Variants in RALGPS2 observed in about 807,000 individuals in gnomAD.
The protein encoded by RALGPS2 is Ral GEF with PH domain and SH3 binding motif 2.
In RALGPS2, 43 loss-of-function variants were observed where a neutral mutation model predicts 86.8. The observed-to-expected ratio is 0.50, with a 90% CI of 0.39 to 0.64. RALGPS2 has a LOEUF of 0.64. Among genes scored for constraint, RALGPS2 ranks in the 30% least tolerant of loss-of-function variants. The pLI is 0.00. For synonymous variants in RALGPS2, 243 were observed against 231.3 expected (o/e 1.05, Z -0.46); for missense variants, 536 against 694.6 (o/e 0.77, Z 2.57).
chr1:178,853,892 C>T (rs1371422394), intron 8 of RALGPS2: 1 of 753,236 alleles, frequency 1.3e-6, no homozygotes, highest in Non-Finnish European at 2.0e-6. Flanking sequence ...TTACAGTTAC[C>T]ATTGTTTATC....
At chr1:178,896,356 A>T (rs1454953942) in intron 16 of RALGPS2, among the ~76,000 whole-genome samples, 2 of 151,936 alleles carry the variant, frequency 1.3e-5, no homozygotes, top group African/African-American at 4.8e-5. Context: ...CAAAGGAGGG[A>T]TTTTAAAGGT....
intron 8 of RALGPS2, among the ~76,000 whole-genome samples, chr1:178,844,082 A>C (rs916117581): frequency 1.3e-4 from 20 of 152,212 alleles, no homozygotes; most frequent in African/African-American, 4.8e-4. Context: ...AATGCTGTAC[A>C]TTTGATAGAA....
intron 7 of RALGPS2, among the ~76,000 whole-genome samples, chr1:178,831,337 A>G (rs1572377469): frequency 6.6e-6 from 1 of 152,222 alleles, no homozygotes; most frequent in Non-Finnish European, 1.5e-5. Context: ...ATGCAGTTGC[A>G]CACATTCACA....
At chr1:178,834,870 C>G (rs1490945483) in intron 8 of RALGPS2, among the ~76,000 whole-genome samples, 2 of 152,142 alleles carry the variant, frequency 1.3e-5, no homozygotes, top group African/African-American at 4.8e-5. Flanking sequence ...CTCTGCCTTC[C>G]AAGTTCAAGT....
intron 4 of RALGPS2, among the ~76,000 whole-genome samples, chr1:178,795,522 T>A (rs1298963178): frequency 6.6e-6 from 1 of 152,008 alleles, no homozygotes; most frequent in African/African-American, 2.4e-5. Flanking sequence ...AAGTGGTTCT[T>A]CTGCCTCAGC....
At chr1:178,886,387 G>A (rs1659485625) in intron 13 of RALGPS2, among the ~76,000 whole-genome samples, 1 of 152,208 alleles carries the variant, frequency 6.6e-6, no homozygotes, top group Non-Finnish European at 1.5e-5. Flanking sequence ...TTGGATATGG[G>A]GAGGAGGAAG....
chr1:178,892,176 A>T, intron 14 of RALGPS2, 54 bp from the exon 15 acceptor site: 1 of 1,459,106 alleles, frequency 6.9e-7, no homozygotes, highest in Non-Finnish European at 9.6e-7. Flanking sequence ...ATTGATAATG[A>T]CTGTGTGAAT....
intron 5 of RALGPS2, among the ~76,000 whole-genome samples, chr1:178,810,346 C>T (rs2102199461): frequency 6.6e-6 from 1 of 152,220 alleles, no homozygotes; most frequent in East Asian, 1.9e-4. Flanking sequence ...GAGATCACCC[C>T]ACTACACTCC....
At chr1:178,844,266 G>A (rs750757534) in intron 8 of RALGPS2, among the ~76,000 whole-genome samples, 1 of 152,042 alleles carries the variant, frequency 6.6e-6, no homozygotes, top group South Asian at 2.1e-4. Context: ...ATAGAAAAAA[G>A]GTAACCGCTA....
chr1:178,852,915 T>C lies in RALGPS2; in HGVS notation c.607+19365T>C, dbSNP rs548949964. Reference sequence around the variant, plus strand: ...TGCTAAGCATATAGATATTTTCCAGTCCAAGCCAGTATTCTCCGTCAATGT... The same window carrying C: ...TGCTAAGCATATAGATATTTTCCAGCCCAAGCCAGTATTCTCCGTCAATGT... On this transcript the variant is annotated intron_variant, in intron 8 of 19. Coordinates refer to ENST00000367635, the MANE Select transcript of RALGPS2 (RefSeq NM_152663.5). The C allele has an allele frequency of 4.9e-5, 79 of 1,613,382 alleles. No homozygotes were observed. In the South Asian group the frequency reaches 6.4e-4, roughly 13 times the overall value.
chr1:178,800,422 GACA>G (rs1243238901), intron 4 of RALGPS2, among the ~76,000 whole-genome samples: 6 of 151,894 alleles, frequency 4.0e-5, no homozygotes, highest in African/African-American at 9.7e-5. Context: ...CCACCACTGA[GACA>G]ACAAGACCAA....
intron 4 of RALGPS2, among the ~76,000 whole-genome samples, chr1:178,791,727 C>T (rs1212392185): frequency 3.3e-5 from 5 of 152,110 alleles, no homozygotes; most frequent in Non-Finnish European, 5.9e-5. Context: ...TTTCAACTCT[C>T]GTATGTCAAA....
chr1:178,915,264 A>T (rs1176440219), intron 19 of RALGPS2, among the ~76,000 whole-genome samples: 1 of 151,922 alleles, frequency 6.6e-6, no homozygotes, highest in Non-Finnish European at 1.5e-5. Context: ...ACAGGGTTTC[A>T]CTCTTGTTGC....
chr1:178,855,075 CAAGT>C (rs1241653739), intron 8 of RALGPS2, among the ~76,000 whole-genome samples: 1 of 152,046 alleles, frequency 6.6e-6, no homozygotes, highest in Admixed American at 6.6e-5. Context: ...AGAGTTTAGT[CAAGT>C]AAAGTTCTTA....
intron 8 of RALGPS2, chr1:178,849,864 G>A (rs780459084): frequency 3.9e-5 from 6 of 152,126 alleles, no homozygotes; most frequent in Non-Finnish European, 7.4e-5. Flanking sequence ...ATTTCAATTC[G>A]AGGTTTTCTT....
In RALGPS2 at chr1:178,920,668, A is replaced by T. The variant is rs897574017; in HGVS notation, c.*4309A>T. On this transcript the variant is annotated 3_prime_UTR_variant, in exon 20 of 20. Transcript: ENST00000367635. ...ATAAGCACTCTTAAAAACAAATTTG[A>T]AGAGCACTCTTCAGCCAAGTTCATT... 2.6e-5 allele frequency: 4 copies of T among 152,004 alleles called. No homozygotes were observed. Among genetic ancestry groups the T allele is most frequent in the Non-Finnish European group, 5.9e-5 (4 of 67,898 alleles). The allele number at this position is 152,004 out of a possible 1,614,324, so 9.4% of individuals were successfully genotyped here.
Position 178,776,750 on chromosome 1 carries a change from A to G in RALGPS2, c.-15A>G. ...TGTTGCTGTTAACATAAGGTCAGGG[A>G]CTGATGAGGAAAGCATGGACCTAAT... On this transcript the variant is annotated 5_prime_UTR_variant, in exon 2 of 20. Coordinates refer to ENST00000367635, the MANE Select transcript of RALGPS2 (RefSeq NM_152663.5). The G allele has an allele frequency of 6.2e-7, 1 of 1,609,094 alleles. No homozygotes were observed. The highest frequency in any genetic ancestry group is 1.1e-5 in the South Asian group (1 of 90,784).
chr1:178,899,646 G>GGTTTTC (rs1660085666), intron 17 of RALGPS2, among the ~76,000 whole-genome samples: 1 of 130,032 alleles, frequency 7.7e-6, no homozygotes, highest in South Asian at 2.1e-4. Context: ...TTTTGGTTTT[G>GGTTTTC]GTTTTGGTTT....
At chr1:178,803,768 C>T (rs949890236) in intron 4 of RALGPS2, among the ~76,000 whole-genome samples, 1 of 152,152 alleles carries the variant, frequency 6.6e-6, no homozygotes, top group Non-Finnish European at 1.5e-5. Flanking sequence ...CAGTTTTTAT[C>T]TCCACAGCAT....
Sources: allele counts gnomAD v4.1 joint callset (sites outside exome capture counted in the v4.1 genomes callset), GRCh38; gene constraint gnomAD v4.1.1; transcripts MANE v1.5; gene names NCBI Gene and HGNC (gene_info 2026-07-23, HGNC 2026-07-21).